Variants in NKAIN2 observed in about 807,000 individuals in gnomAD.
NKAIN2 encodes sodium/potassium-transporting ATPase subunit beta-1-interacting protein 2.
NKAIN2 carries 14 observed loss-of-function variants against 32.6 expected under a neutral mutation model. The ratio of observed to expected loss-of-function variants is 0.43; its 90% confidence interval spans 0.28 to 0.67. NKAIN2 has a LOEUF of 0.67. Ranked by LOEUF, NKAIN2 falls within the 30% of genes least tolerant of loss-of-function variation. NKAIN2 has a pLI of 0.17. For missense variants in NKAIN2, 198 were observed against 258.3 expected (o/e 0.77, Z 1.60); for synonymous variants, 80 against 87.2 (o/e 0.92, Z 0.46).
At chr6:124,340,749 A>C (rs1376454464) in intron 2 of NKAIN2, among the ~76,000 whole-genome samples, 5 of 152,176 alleles carry the variant, frequency 3.3e-5, no homozygotes. Flanking sequence ...ATTTACATAC[A>C]TGCAGGGTAA....
At chr6:124,316,168 G>A (rs1183402274) in intron 2 of NKAIN2, among the ~76,000 whole-genome samples, 1 of 152,086 alleles carries the variant, frequency 6.6e-6, no homozygotes, top group Non-Finnish European at 1.5e-5. Flanking sequence ...TTAAGGTAAT[G>A]TATATCTTGA....
At chr6:123,838,098 T>A (rs1334759148) in intron 1 of NKAIN2, among the ~76,000 whole-genome samples, 4 of 151,982 alleles carry the variant, frequency 2.6e-5, no homozygotes, top group African/African-American at 9.7e-5. Flanking sequence ...AATGGCAGAG[T>A]ACCTAATACA....
chr6:123,845,273 G>A (rs1406491237), intron 1 of NKAIN2, among the ~76,000 whole-genome samples: 1 of 152,188 alleles, frequency 6.6e-6, no homozygotes, highest in Non-Finnish European at 1.5e-5. Context: ...CCAGTCATCT[G>A]CAATAGTTTA....
intron 1 of NKAIN2, among the ~76,000 whole-genome samples, chr6:124,057,024 C>T (rs1307057673): frequency 1.3e-5 from 2 of 152,030 alleles, no homozygotes; most frequent in Non-Finnish European, 1.5e-5. Context: ...TTGTTTTCAC[C>T]TATGTTTACC....
At chr6:124,691,251 C>A (rs986090480) in intron 4 of NKAIN2, among the ~76,000 whole-genome samples, 2 of 152,114 alleles carry the variant, frequency 1.3e-5, no homozygotes, top group Admixed American at 6.6e-5. Context: ...ACCTCTCTAT[C>A]CCCATTGACC....
At chr6:124,295,184 G>C (rs1795996043) in intron 2 of NKAIN2, among the ~76,000 whole-genome samples, 1 of 152,118 alleles carries the variant, frequency 6.6e-6, no homozygotes, top group South Asian at 2.1e-4. Context: ...TACACTTAAA[G>C]TTACATTTTC....
At chr6:124,266,200 C>G (rs1794486493) in intron 1 of NKAIN2, among the ~76,000 whole-genome samples, 1 of 152,070 alleles carries the variant, frequency 6.6e-6, no homozygotes, top group Non-Finnish European at 1.5e-5. Context: ...AAATAATTTC[C>G]TATAAGTTTT....
At chr6:123,935,582 C>G (rs1463574449) in intron 1 of NKAIN2, among the ~76,000 whole-genome samples, 1 of 151,860 alleles carries the variant, frequency 6.6e-6, no homozygotes, top group Non-Finnish European at 1.5e-5. Context: ...TAATGGAAAT[C>G]TTATTAAATG....
At chr6:124,502,477 A>G (rs1778330587) in intron 3 of NKAIN2, among the ~76,000 whole-genome samples, 1 of 152,310 alleles carries the variant, frequency 6.6e-6, no homozygotes, top group South Asian at 2.1e-4. Flanking sequence ...TTTTAAGGGA[A>G]ATATATGTAT....
rs553031341 is a variant in NKAIN2 at position 123,993,773 on chromosome 6, C to T, written c.54+189519C>T. ...TCTTTTATGTCCATGTGCCTTCCCT[C>T]AGTTATACTGATAACTGTCCATTTT... On this transcript the variant is annotated intron_variant, in intron 1 of 6. Coordinates refer to ENST00000368417, the MANE Select transcript of NKAIN2 (RefSeq NM_001040214.3). Among the ~76,000 whole-genome samples, 9 of 152,278 alleles carry T rather than the reference C, an allele frequency of 5.9e-5. No individual in the cohort carries two copies. The South Asian group carries it at 6.2e-4, about 11-fold the overall frequency.
chr6:124,782,675 T>C (rs1779325791), intron 4 of NKAIN2, among the ~76,000 whole-genome samples: 1 of 152,146 alleles, frequency 6.6e-6, no homozygotes, highest in African/African-American at 2.4e-5. Flanking sequence ...TGGTACCCTA[T>C]TATCTCTGAT....
intron 3 of NKAIN2, among the ~76,000 whole-genome samples, chr6:124,359,614 A>G (rs1429976990): frequency 2.0e-5 from 3 of 152,154 alleles, no homozygotes; most frequent in African/African-American, 7.2e-5. Flanking sequence ...ATTTTTGCAC[A>G]TTCATTTTGT....
At chr6:124,388,626 A>C (rs1405237624) in intron 3 of NKAIN2, among the ~76,000 whole-genome samples, 3 of 150,324 alleles carry the variant, frequency 2.0e-5, no homozygotes, top group African/African-American at 7.5e-5. Flanking sequence ...ATATTTTCAA[A>C]TTTACTTAAT....
At chr6:124,764,407 T>C (rs1186392190) in intron 4 of NKAIN2, among the ~76,000 whole-genome samples, 1 of 152,206 alleles carries the variant, frequency 6.6e-6, no homozygotes, top group Non-Finnish European at 1.5e-5. Flanking sequence ...TATGATTTTT[T>C]AGATATTTTG....
intron 4 of NKAIN2, among the ~76,000 whole-genome samples, chr6:124,741,716 A>G (rs139516214): frequency 4.0e-4 from 61 of 151,874 alleles, no homozygotes; most frequent in Non-Finnish European, 7.2e-4. Flanking sequence ...TTGTGAAGGC[A>G]AACTGCTTTA....
chr6:124,384,248 T>G (rs1312575144), intron 3 of NKAIN2, among the ~76,000 whole-genome samples: 1 of 152,194 alleles, frequency 6.6e-6, no homozygotes, highest in Non-Finnish European at 1.5e-5. Flanking sequence ...GCTATTGTTC[T>G]TATCACCCGA....
At chr6:124,758,934 A>G (rs1393651971) in intron 4 of NKAIN2, among the ~76,000 whole-genome samples, 1 of 152,146 alleles carries the variant, frequency 6.6e-6, no homozygotes, top group African/African-American at 2.4e-5. Context: ...AGTGTTTCCA[A>G]TTTCCTTTAT....
At chr6:124,775,287 G>T (rs949107897) in intron 4 of NKAIN2, among the ~76,000 whole-genome samples, 1 of 152,154 alleles carries the variant, frequency 6.6e-6, no homozygotes, top group African/African-American at 2.4e-5. Context: ...ACTTTTTTAG[G>T]AGGCCGATTG....
intron 1 of NKAIN2, among the ~76,000 whole-genome samples, chr6:124,085,160 T>A (rs2114915789): frequency 6.6e-6 from 1 of 152,172 alleles, no homozygotes; most frequent in East Asian, 1.9e-4. Context: ...TTTGATTACA[T>A]CTCAGCAAAT....
Sources: allele counts gnomAD v4.1 joint callset (sites outside exome capture counted in the v4.1 genomes callset), GRCh38; gene constraint gnomAD v4.1.1; transcripts MANE v1.5; gene names NCBI Gene and HGNC (gene_info 2026-07-23, HGNC 2026-07-21).